DAB1: variants seen among roughly 807,000 people sequenced by gnomAD.
DAB1 encodes DAB adaptor protein 1.
DAB1 carries 15 observed loss-of-function variants against 64.6 expected under a neutral mutation model. The ratio of observed to expected loss-of-function variants is 0.23; its 90% CI spans 0.16 to 0.36. The LOEUF (loss-of-function observed/expected upper bound fraction) is 0.36. Among genes scored for constraint, DAB1 ranks in the 10% least tolerant of loss-of-function variants. The probability of loss-of-function intolerance (pLI) is 1.00; values close to 1 mark genes in which losing one functional copy is unlikely to be tolerated. For missense variants in DAB1, 596 were observed against 706.7 expected (o/e 0.84, Z 1.78); for synonymous variants, 235 against 251.9 (o/e 0.93, Z 0.64).
At chr1:57,606,528 A>ATT (rs1558535202) in intron 7 of DAB1, among the ~76,000 whole-genome samples, 3 of 58,936 alleles carry the variant, frequency 5.1e-5, no homozygotes, top group Non-Finnish European at 9.5e-5. Flanking sequence ...TATAATATAT[A>ATT]ATATATATGA....
intron 7 of DAB1, among the ~76,000 whole-genome samples, chr1:57,468,432 T>C (rs934891456): frequency 3.9e-5 from 6 of 152,216 alleles, no homozygotes; most frequent in Admixed American, 3.3e-4. Flanking sequence ...ATTTTTCAAT[T>C]AAATTCAACA....
intron 9 of DAB1, among the ~76,000 whole-genome samples, chr1:57,035,604 C>T (rs17451521): frequency 0.097 from 14,794 of 152,148 alleles, 906 homozygotes; most frequent in Non-Finnish European, 0.14. Context: ...GTCTTGGTCA[C>T]GTCAGGCCAT....
At chr1:58,060,887 G>T (rs1418323469) in intron 5 of DAB1, among the ~76,000 whole-genome samples, 2 of 152,240 alleles carry the variant, frequency 1.3e-5, no homozygotes, top group Admixed American at 6.5e-5. Context: ...CTCGGCAGGG[G>T]AATGCCACAT....
At chr1:57,389,823 C>A (rs559104753) in intron 1 of DAB1, among the ~76,000 whole-genome samples, 2 of 152,222 alleles carry the variant, frequency 1.3e-5, no homozygotes, top group South Asian at 2.1e-4. Flanking sequence ...ACCTAACTCC[C>A]CCCATAGAAA....
intron 4 of DAB1, among the ~76,000 whole-genome samples, chr1:57,083,725 C>T (rs578245127): frequency 1.2e-4 from 19 of 152,256 alleles, no homozygotes; most frequent in Admixed American, 5.2e-4. Context: ...GTTCCGGTGT[C>T]TTCATTTGTA....
intron 5 of DAB1, among the ~76,000 whole-genome samples, chr1:58,041,380 A>G (rs1252987832): frequency 1.3e-5 from 2 of 152,188 alleles, no homozygotes; most frequent in Non-Finnish European, 2.9e-5. Flanking sequence ...CTTGGAATAT[A>G]CTAGGCCCTC....
chr1:58,049,319 G>A (rs941457922), intron 5 of DAB1: 1 of 659,452 alleles, frequency 1.5e-6, no homozygotes, highest in South Asian at 1.9e-5. Flanking sequence ...AGACTTTAAC[G>A]ATGCTTCTTC....
intron 7 of DAB1, among the ~76,000 whole-genome samples, chr1:57,615,858 CTG>C (rs1245121581): frequency 1.3e-5 from 2 of 152,276 alleles, no homozygotes; most frequent in East Asian, 1.9e-4. Flanking sequence ...CAACTCATGA[CTG>C]GAGATGACAT....
At chr1:57,512,699 T>G (rs564610646) in intron 7 of DAB1, among the ~76,000 whole-genome samples, 1 of 152,332 alleles carries the variant, frequency 6.6e-6, no homozygotes, top group East Asian at 1.9e-4. Flanking sequence ...ACAGCTCAAG[T>G]TGTTCTTCAT....
intron 6 of DAB1, among the ~76,000 whole-genome samples, chr1:57,800,141 G>A (rs1441556226): frequency 1.3e-5 from 2 of 152,158 alleles, no homozygotes; most frequent in Non-Finnish European, 2.9e-5. Flanking sequence ...GGTTACATGG[G>A]GAGGGCAAGG....
chr1:58,300,590 AAGAAAGAAAGAAAGAAAGAAAG>A (rs1662110282), intron 4 of DAB1, among the ~76,000 whole-genome samples: 9 of 30,218 alleles, frequency 3.0e-4, no homozygotes, highest in African/African-American at 6.7e-4. Context: ...GAAAGAAAGA[AAGAAAGAAAGAAAGAAAGAAAG>A]AGAGAGAGAG....
intron 6 of DAB1, among the ~76,000 whole-genome samples, chr1:57,720,999 G>A (rs1037898425): frequency 2.6e-5 from 4 of 152,186 alleles, no homozygotes; most frequent in Non-Finnish European, 5.9e-5. Flanking sequence ...ATAGGCATCT[G>A]CAAATTGCAG....
intron 6 of DAB1, among the ~76,000 whole-genome samples, chr1:57,716,863 T>C (rs1216961283): frequency 1.3e-5 from 2 of 152,174 alleles, no homozygotes; most frequent in Non-Finnish European, 2.9e-5. Flanking sequence ...GTAGAATTTA[T>C]AAGGAACTTC....
intron 1 of DAB1, among the ~76,000 whole-genome samples, chr1:57,408,376 T>G (rs269042): frequency 2.6e-5 from 4 of 151,982 alleles, no homozygotes; most frequent in African/African-American, 9.7e-5. Context: ...CCCCGTAATG[T>G]AACTCATGAA....
intron 2 of DAB1, among the ~76,000 whole-genome samples, chr1:57,191,028 C>T (rs1246754976): frequency 6.6e-6 from 1 of 152,146 alleles, no homozygotes; most frequent in African/African-American, 2.4e-5. Flanking sequence ...TTAATGTCAG[C>T]TATACTGCCT....
At chr1:57,461,616 A>G (rs1686781746) in intron 7 of DAB1, among the ~76,000 whole-genome samples, 1 of 152,182 alleles carries the variant, frequency 6.6e-6, no homozygotes, top group African/African-American at 2.4e-5. Context: ...GTGTTTGCCC[A>G]GGCTGCGCCC....
chr1:57,676,654 T>C (rs1450664333), intron 6 of DAB1, among the ~76,000 whole-genome samples: 8 of 152,204 alleles, frequency 5.3e-5, no homozygotes, highest in African/African-American at 1.7e-4. Context: ...CATCCTTGAC[T>C]GTTAATGATA....
At chr1:57,815,103 G>A (rs1331310786) in intron 6 of DAB1, among the ~76,000 whole-genome samples, 8 of 150,916 alleles carry the variant, frequency 5.3e-5, no homozygotes, top group Non-Finnish European at 1.0e-4. Flanking sequence ...ACAGAGTCTC[G>A]CTCTGTTGCC....
intron 7 of DAB1, among the ~76,000 whole-genome samples, chr1:57,472,336 G>A (rs1687167461): frequency 6.6e-6 from 1 of 152,120 alleles, no homozygotes; most frequent in East Asian, 1.9e-4. Context: ...TTTAATGAGG[G>A]ACCTATTTTT....
Sources: gnomAD v4.1 joint callset for allele counts (sites outside exome capture counted in the v4.1 genomes callset) on GRCh38, gnomAD v4.1.1 for gene constraint, MANE v1.5 for transcripts, NCBI Gene and HGNC (gene_info 2026-07-23, HGNC 2026-07-21) for gene names.